The following AHI1 variants were observed in gnomAD, a reference collection of about 807,000 sequenced individuals.
The protein encoded by AHI1 is Abelson helper integration site 1.
AHI1 carries 123 observed loss-of-function variants against 149.3 expected under a neutral mutation model. The ratio of observed to expected loss-of-function variants is 0.82; its 90% CI spans 0.71 to 0.96. The LOEUF is 0.96. Among genes scored for constraint, AHI1 ranks in the 40% least tolerant of loss-of-function variants. The pLI is 0.00. For synonymous variants in AHI1, 475 were observed against 459.8 expected (o/e 1.03, Z -0.42); for missense variants, 1,439 against 1,422.7 (o/e 1.01, Z -0.18).
At chr6:135,304,067 C>T (rs561866969) in intron 26 of AHI1, among the ~76,000 whole-genome samples, 39 of 152,304 alleles carry the variant, frequency 2.6e-4, no homozygotes, top group African/African-American at 8.4e-4. Flanking sequence ...GACAGGATCT[C>T]GCTCTGTCAC....
intron 24 of AHI1, among the ~76,000 whole-genome samples, chr6:135,357,005 C>G (rs1295100747): frequency 6.6e-6 from 1 of 152,172 alleles, no homozygotes. Context: ...GTGGTGCAAT[C>G]TCGGCTCACA....
chr6:135,285,444 C>A lies in AHI1; in HGVS notation c.*201G>T. On this transcript the variant is annotated 3_prime_UTR_variant, in exon 29 of 29. Transcript: ENST00000265602. Reference sequence around the variant, plus strand: ...CAACAATAGTCACAATGGTTTATAACAACTGAACTCAAAGGCCACGTTGAT... The same window carrying A: ...CAACAATAGTCACAATGGTTTATAAAAACTGAACTCAAAGGCCACGTTGAT... The A allele has an allele frequency of 1.6e-6, 1 of 626,572 alleles. No homozygotes were observed. The highest frequency in any genetic ancestry group is 2.8e-6 in the Non-Finnish European group (1 of 352,790). The allele number at this position is 626,572 out of a possible 1,614,324, so 38.8% of individuals were successfully genotyped here. A position where few individuals can be genotyped will look rare whatever the true frequency, so the allele number is the denominator to read the frequency against.
chr6:135,474,782 A>G (rs551757710), intron 5 of AHI1, among the ~76,000 whole-genome samples: 57 of 152,314 alleles, frequency 3.7e-4, no homozygotes, highest in African/African-American at 1.3e-3. Context: ...CCAGCTAGAC[A>G]TGGGGTATTA....
chr6:135,494,685 T>C (rs1014348003), intron 3 of AHI1, among the ~76,000 whole-genome samples: 1 of 152,208 alleles, frequency 6.6e-6, no homozygotes, highest in Admixed American at 6.5e-5. Flanking sequence ...GGCAATCTAC[T>C]AATCCAGCAG....
At chr6:135,358,758 T>C (rs1435069359) in intron 23 of AHI1, among the ~76,000 whole-genome samples, 1 of 152,210 alleles carries the variant, frequency 6.6e-6, no homozygotes, top group Non-Finnish European at 1.5e-5. Flanking sequence ...AATATTCTTT[T>C]ATCATGTGTG....
At chr6:135,496,685 G>A (rs1046114111) in intron 2 of AHI1, among the ~76,000 whole-genome samples, 9 of 152,086 alleles carry the variant, frequency 5.9e-5, no homozygotes, top group Admixed American at 1.3e-4. Flanking sequence ...ATATCATTGG[G>A]AGAAAAAACT....
At chr6:135,496,790 A>G (rs1295841107) in intron 2 of AHI1, among the ~76,000 whole-genome samples, 2 of 152,268 alleles carry the variant, frequency 1.3e-5, no homozygotes, top group African/African-American at 4.8e-5. Context: ...GAATAAATCA[A>G]CAAGATTCTT....
At chr6:135,344,900 C>G (rs371292640) in intron 24 of AHI1, among the ~76,000 whole-genome samples, 1 of 148,368 alleles carries the variant, frequency 6.7e-6, no homozygotes, top group Non-Finnish European at 1.5e-5. Context: ...AAAATTATTT[C>G]TCAGTTTATT....
In AHI1 at chr6:135,477,005, T is replaced by A. The variant is rs148295207; in HGVS notation, c.136-9371A>T. On this transcript the variant is annotated intron_variant, in intron 5 of 28. Coordinates refer to ENST00000265602, the MANE Select transcript of AHI1 (RefSeq NM_001134831.2). ...ACACTATTCTATTATTTCCTTTCTG[T>A]TTGTCCTATTTGTTTTTTGTCTCTT... 1.6e-3 allele frequency among the ~76,000 whole-genome samples: 244 copies of A among 152,204 alleles called. 1 individual carries two copies. Among genetic ancestry groups the A allele is most frequent in the African/African-American group, 5.6e-3 (233 of 41,526 alleles).
chr6:135,492,383 C>A, intron 3 of AHI1, 92 bp from the exon 4 acceptor site: 1 of 1,389,986 alleles, frequency 7.2e-7, no homozygotes. Flanking sequence ...ATTGTATGTC[C>A]ACTACTTCAT....
chr6:135,426,160 T>A (rs996326106), intron 20 of AHI1, among the ~76,000 whole-genome samples: 3 of 151,798 alleles, frequency 2.0e-5, no homozygotes, highest in Non-Finnish European at 4.4e-5. Context: ...TTTTTTCCTA[T>A]AATCAGGCAG....
At chr6:135,453,472 A>T in intron 10 of AHI1, 36 bp from the exon 11 acceptor site, 3 of 1,395,762 alleles carry the variant, frequency 2.1e-6, no homozygotes, top group Non-Finnish European at 3.0e-6. Context: ...AGCTACCTAA[A>T]ATTTAATATT....
At chr6:135,332,215 G>A (rs531177796) in intron 24 of AHI1, among the ~76,000 whole-genome samples, 19 of 152,104 alleles carry the variant, frequency 1.2e-4, no homozygotes, top group African/African-American at 3.6e-4. Flanking sequence ...GATTACAGGC[G>A]TGCACCACTA....
At chr6:135,350,277 A>C (rs1215798219) in intron 24 of AHI1, among the ~76,000 whole-genome samples, 1 of 152,144 alleles carries the variant, frequency 6.6e-6, no homozygotes, top group African/African-American at 2.4e-5. Context: ...TCCCAGAGAC[A>C]GCATAAAAAC....
chr6:135,318,591 C>T lies in AHI1; in HGVS notation c.3354G>A (p.Glu1118=). 6.2e-7 allele frequency: 1 copy of T among 1,604,626 alleles called. No homozygotes were observed. Among genetic ancestry groups the T allele is most frequent in the Non-Finnish European group, 8.5e-7 (1 of 1,175,496 alleles). ...SETLYQELPP[E]IKERSPPLSP... is the part of the protein sequence containing the mutation. ...TTAAAGGAGGGGATCGCTCCTTTAT[C>T]TCAGGAGGCAGTTCTTGATACAGTG... Residue 1118 remains glutamate, a synonymous_variant, in exon 26 of 29, where the codon GAG becomes GAA. Transcript: ENST00000265602.
intron 24 of AHI1, among the ~76,000 whole-genome samples, chr6:135,346,558 T>C (rs1453683779): frequency 1.3e-5 from 2 of 152,096 alleles, no homozygotes; most frequent in Non-Finnish European, 2.9e-5. Flanking sequence ...TAAGTATGGA[T>C]TATAAAGATT....
chr6:135,285,887 T>C (rs990232966), intron 28 of AHI1, among the ~76,000 whole-genome samples: 1 of 152,216 alleles, frequency 6.6e-6, no homozygotes, highest in Non-Finnish European at 1.5e-5. Context: ...TGCTCCTGCA[T>C]TGACAGGTTA....
intron 28 of AHI1, 145 bp from the exon 29 acceptor site, chr6:135,285,792 G>C (rs963085606): frequency 1.4e-5 from 9 of 659,232 alleles, no homozygotes; most frequent in Non-Finnish European, 2.3e-5. Context: ...AACTAAAAAA[G>C]ACCAAAATAC....
chr6:135,349,811 C>G (rs1475685317), intron 24 of AHI1, among the ~76,000 whole-genome samples: 1 of 152,172 alleles, frequency 6.6e-6, no homozygotes, highest in Non-Finnish European at 1.5e-5. Context: ...ACTTTAAGAT[C>G]AATTTTTTCA....
Sources: gnomAD v4.1 joint callset for allele counts (sites outside exome capture counted in the v4.1 genomes callset) on GRCh38, gnomAD v4.1.1 for gene constraint, MANE v1.5 for transcripts, NCBI Gene and HGNC (gene_info 2026-07-23, HGNC 2026-07-21) for gene names.